ATP10A: variants seen among roughly 807,000 people sequenced by gnomAD.
ATP10A encodes the protein ATPase phospholipid transporting 10A (putative).
In ATP10A, 111 loss-of-function variants were observed where a neutral mutation model predicts 147.8. The observed-to-expected ratio is 0.75, with a 90% CI of 0.64 to 0.88. The LOEUF (loss-of-function observed/expected upper bound fraction) is 0.88, where lower values mean the gene tolerates loss of function less well. Ranked by LOEUF, ATP10A falls within the 40% of genes least tolerant of loss-of-function variation. ATP10A has a pLI of 0.00. For synonymous variants in ATP10A, 875 were observed against 841.6 expected, an observed-to-expected ratio of 1.04 and a Z score of -0.69; for missense variants, 1,927 against 1,959.0, an observed-to-expected ratio of 0.98 and a Z score of 0.31.
At chr15:25,860,197 C>A (rs528435060) in intron 1 of ATP10A, among the ~76,000 whole-genome samples, 1 of 152,286 alleles carries the variant, frequency 6.6e-6, no homozygotes, top group South Asian at 2.1e-4. Context: ...AACCTCTGTG[C>A]CATGACCCTG....
At chr15:25,687,588 G>A (rs1472095074) in intron 16 of ATP10A, 115 bp downstream of exon 16, 23 of 710,408 alleles carry the variant, frequency 3.2e-5, no homozygotes, top group Non-Finnish European at 4.1e-5. Context: ...AAGGAGGATG[G>A]AGCAGGTTGT....
chr15:25,785,439 C>T (rs1231214975), intron 1 of ATP10A, among the ~76,000 whole-genome samples: 3 of 152,202 alleles, frequency 2.0e-5, no homozygotes, highest in Non-Finnish European at 4.4e-5. Flanking sequence ...CGAGGTGATA[C>T]ATTCCTGCTG....
At chr15:25,744,832 G>A (rs1289049623) in intron 2 of ATP10A, among the ~76,000 whole-genome samples, 1 of 152,172 alleles carries the variant, frequency 6.6e-6, no homozygotes, top group Non-Finnish European at 1.5e-5. Context: ...TCTAACGTGT[G>A]TAATCAGGGC....
intron 1 of ATP10A, among the ~76,000 whole-genome samples, chr15:25,855,443 G>A (rs1254027119): frequency 1.3e-5 from 2 of 151,696 alleles, no homozygotes; most frequent in African/African-American, 4.8e-5. Context: ...CTTTCTTGAT[G>A]CAAAAACACT....
intron 15 of ATP10A, among the ~76,000 whole-genome samples, chr15:25,688,518 A>C (rs1899827164): frequency 6.6e-6 from 1 of 152,184 alleles, no homozygotes. Flanking sequence ...AGGCTGGAAA[A>C]CACCATCAAA....
At chr15:25,772,300 C>T (rs1235633087) in intron 2 of ATP10A, among the ~76,000 whole-genome samples, 1 of 152,142 alleles carries the variant, frequency 6.6e-6, no homozygotes, top group Non-Finnish European at 1.5e-5. Context: ...CCCCCACCCA[C>T]CCACCAGGCC....
rs1441211610 is a variant in ATP10A at position 25,686,579 on chromosome 15, C to G, written c.3291+1124G>C. Reference sequence around the variant, plus strand: ...TATACAGAACTGGAAAAAGAATACACCTTTTATTTTATTTTATTTTCAGAA... The same window carrying G: ...TATACAGAACTGGAAAAAGAATACAGCTTTTATTTTATTTTATTTTCAGAA... On this transcript the variant is annotated intron_variant, in intron 16 of 20. Transcript: ENST00000555815. Among the ~76,000 whole-genome samples the G allele has an allele frequency of 1.9e-5, 2 of 107,398 alleles. 1 individual carries two copies. Among genetic ancestry groups the G allele is most frequent in the African/African-American group, 1.3e-4 (2 of 15,420 alleles). 70.5% of individuals were successfully genotyped at this position (107,398 alleles called of 152,430 possible). A position where few individuals can be genotyped will look rare whatever the true frequency, so the allele number is the denominator to read the frequency against.
intron 17 of ATP10A, among the ~76,000 whole-genome samples, chr15:25,682,555 G>A (rs993966626): frequency 1.3e-5 from 2 of 152,186 alleles, no homozygotes; most frequent in African/African-American, 4.8e-5. Flanking sequence ...AGGTGGCCGA[G>A]GAGGCTGAGG....
chr15:25,798,698 G>A (rs748708167), intron 1 of ATP10A, among the ~76,000 whole-genome samples: 5 of 152,264 alleles, frequency 3.3e-5, no homozygotes, highest in Non-Finnish European at 5.9e-5. Context: ...GTGAAACAGC[G>A]CCCAGGTCTC....
Position 25,713,941 on chromosome 15 carries a change from ACCG to A in ATP10A, c.2074_2076del (p.Arg692del). 6.2e-7 allele frequency: 1 copy of A among 1,611,432 alleles called. No homozygotes were observed. The highest frequency in any genetic ancestry group is 8.5e-7 in the Non-Finnish European group (1 of 1,179,992). On this transcript the variant is annotated inframe_deletion, in exon 10 of 21. Coordinates refer to ENST00000555815, the MANE Select transcript of ATP10A (RefSeq NM_024490.4). Reference sequence around the variant, plus strand: ...GCCTCATCCGGGCTCTCCGCCTCGTACCGCAGCTCGCGCTCTGACTCCTGCTCC... The same window carrying A: ...GCCTCATCCGGGCTCTCCGCCTCGTACAGCTCGCGCTCTGACTCCTGCTCC...
In ATP10A at chr15:25,707,990, T is replaced by C. The variant is rs751842465; in HGVS notation, c.2561A>G (p.Asn854Ser). The part of the protein sequence containing the change: ...LFQSAIRLET[N>S]LHLLGATGIE... ...AAGTTAATTACCTAACAAGTGCAGGTTGGTCTCCAGGCGAATGGCAGACTG... is the reference window on the plus strand; with the variant it reads ...AAGTTAATTACCTAACAAGTGCAGGCTGGTCTCCAGGCGAATGGCAGACTG... The change falls in exon 12 of 21, where the codon AAC becomes AGC. Residue 854 changes from asparagine (N) to serine (S), a missense_variant. By Grantham distance (46) the Asn-to-Ser change is conservative. Transcript: ENST00000555815. 1.2e-6 allele frequency: 2 copies of C among 1,614,172 alleles called. No homozygotes were observed. Among genetic ancestry groups the C allele is most frequent in the South Asian group, 2.2e-5 (2 of 91,084 alleles).
At chr15:25,805,907 C>A (rs926377697) in intron 1 of ATP10A, among the ~76,000 whole-genome samples, 1 of 152,190 alleles carries the variant, frequency 6.6e-6, no homozygotes, top group African/African-American at 2.4e-5. Context: ...GAATAGTTTT[C>A]CCAAGCCATT....
intron 1 of ATP10A, among the ~76,000 whole-genome samples, chr15:25,804,028 T>C (rs1221391650): frequency 6.6e-6 from 1 of 151,900 alleles, no homozygotes; most frequent in Non-Finnish European, 1.5e-5. Flanking sequence ...GCATGGTGTG[T>C]GTGTGCATCT....
At chr15:25,863,383 G>A (rs1387376485), upstream of ATP10A, among the ~76,000 whole-genome samples, 1 of 151,928 alleles carries the variant, frequency 6.6e-6, no homozygotes, top group Non-Finnish European at 1.5e-5. Flanking sequence ...GGCCCGGGTC[G>A]TTTCCGCCGC....
At chr15:25,825,171 C>G (rs1892065168) in intron 1 of ATP10A, among the ~76,000 whole-genome samples, 1 of 152,158 alleles carries the variant, frequency 6.6e-6, no homozygotes, top group South Asian at 2.1e-4. Flanking sequence ...GTTTATTTAA[C>G]CTGACTTGGA....
intron 1 of ATP10A, among the ~76,000 whole-genome samples, chr15:25,854,583 C>A (rs1893427415): frequency 6.6e-6 from 1 of 152,180 alleles, no homozygotes; most frequent in Non-Finnish European, 1.5e-5. Context: ...ACAACTATCA[C>A]AACTGACTTG....
In ATP10A at chr15:25,718,306, C is replaced by G; in HGVS notation, c.1457G>C (p.Ser486Thr). ...GTGCACCACCCGGACACTCTGGTGG[C>G]TGCCGATGCTGCCGCGCTGGGACAC... ...GSVSQRGSIG[S>T]HQSVRVVHRT... The change falls in exon 8 of 21, where the codon AGC (serine) becomes ACC (threonine). Residue 486 changes from serine to threonine, a missense_variant. Ser to Thr is a moderately conservative substitution (Grantham distance 58). Coordinates refer to ENST00000555815, the MANE Select transcript of ATP10A (RefSeq NM_024490.4). The G allele has an allele frequency of 6.2e-7, 1 of 1,611,254 alleles. No individual in the cohort carries two copies. Among genetic ancestry groups the G allele is most frequent in the Non-Finnish European group, 8.5e-7 (1 of 1,179,768 alleles).
chr15:25,862,552 C>T, intron 1 of ATP10A, 96 bp downstream of exon 1: 1 of 1,330,594 alleles, frequency 7.5e-7, no homozygotes, highest in Non-Finnish European at 1.0e-6. Context: ...GCCTTCTAAG[C>T]ACCCAGCCCC....
intron 1 of ATP10A, among the ~76,000 whole-genome samples, chr15:25,792,580 C>A (rs1348963888): frequency 6.6e-6 from 1 of 152,194 alleles, no homozygotes; most frequent in Non-Finnish European, 1.5e-5. Context: ...GGTTAGATGG[C>A]CTACTGCAGC....
Sources: allele counts gnomAD v4.1 joint callset (sites outside exome capture counted in the v4.1 genomes callset), GRCh38; gene constraint gnomAD v4.1.1; transcripts MANE v1.5; gene names NCBI Gene and HGNC (gene_info 2026-07-23, HGNC 2026-07-21).